PSG5: variants seen among roughly 807,000 people sequenced by gnomAD.
PSG5 encodes the protein pregnancy-specific beta-1-glycoprotein 5.
PSG5 carries 53 observed loss-of-function variants against 37.7 expected under a neutral mutation model. The observed-to-expected ratio is 1.41, with a 90% confidence interval of 1.13 to 1.77. The LOEUF (loss-of-function observed/expected upper bound fraction) is 1.77, where lower values mean the gene tolerates loss of function less well. Ranked by LOEUF, PSG5 falls within the 40% of genes most tolerant of loss-of-function variation. The pLI is 0.00. For missense variants in PSG5, 547 were observed against 405.2 expected (o/e 1.35, Z -3.00); for synonymous variants, 221 against 155.4 (o/e 1.42, Z -3.14).
intron 5 of PSG5, among the ~76,000 whole-genome samples, chr19:43,169,305 G>A (rs1050359182): frequency 2.6e-5 from 4 of 151,614 alleles, no homozygotes; most frequent in Non-Finnish European, 5.9e-5. Context: ...CCACACATAG[G>A]TTGTGTTCTG....
At chr19:43,173,445 A>T (rs1195244562) in intron 4 of PSG5, among the ~76,000 whole-genome samples, 1 of 151,750 alleles carries the variant, frequency 6.6e-6, no homozygotes, top group Admixed American at 6.6e-5. Flanking sequence ...AATATTTGCA[A>T]ATTATATGTG....
chr19:43,171,016 T>A (rs1968894631), intron 4 of PSG5: 1 of 151,440 alleles, frequency 6.6e-6, no homozygotes, highest in Admixed American at 6.6e-5. Context: ...GTAGGTACTG[T>A]TGAGGGGCAT....
intron 2 of PSG5, chr19:43,179,073 G>C (rs191336879): frequency 2.5e-6 from 4 of 1,611,950 alleles, no homozygotes; most frequent in African/African-American, 2.7e-5. Flanking sequence ...GTCTGAAGCC[G>C]CAGGATCACA....
chr19:43,186,504 G>A lies in PSG5; in HGVS notation c.-99C>T, dbSNP rs919678485. Reference sequence around the variant, plus strand: ...GCTGTGCTGTCCTTCCTCCTTCTGTGCTGAGCCTCTCTCCAGGGCAGGAGC... The same window carrying A: ...GCTGTGCTGTCCTTCCTCCTTCTGTACTGAGCCTCTCTCCAGGGCAGGAGC... On this transcript the variant is annotated 5_prime_UTR_variant, in exon 1 of 6. Transcript: ENST00000342951. The A allele has an allele frequency of 1.5e-5, 24 of 1,560,332 alleles. No individual in the cohort carries two copies. Among genetic ancestry groups the A allele is most frequent in the South Asian group, 4.7e-5 (4 of 84,642 alleles).
At chr19:43,176,731 G>C (rs1304372758) in intron 2 of PSG5, among the ~76,000 whole-genome samples, 3 of 150,550 alleles carry the variant, frequency 2.0e-5, no homozygotes, top group Non-Finnish European at 4.4e-5. Flanking sequence ...AGTGGAGGCA[G>C]AAAGTGGGGC....
At chr19:43,181,400 T>C (rs1171646017) in intron 2 of PSG5, among the ~76,000 whole-genome samples, 1 of 151,740 alleles carries the variant, frequency 6.6e-6, no homozygotes, top group Non-Finnish European at 1.5e-5. Flanking sequence ...AAGCCAGAGA[T>C]TCTTTCCCCA....
At chr19:43,184,622 T>G (rs554073323) in intron 2 of PSG5, among the ~76,000 whole-genome samples, 160 bp downstream of exon 2, 14 of 151,488 alleles carry the variant, frequency 9.2e-5, no homozygotes, top group East Asian at 3.9e-4. Flanking sequence ...CTGTTGAAAT[T>G]TGTCTCCTCT....
intron 2 of PSG5, among the ~76,000 whole-genome samples, chr19:43,177,623 T>C (rs1243905000): frequency 6.6e-6 from 1 of 151,502 alleles, no homozygotes; most frequent in East Asian, 1.9e-4. Flanking sequence ...GAAAGGCTGA[T>C]TGCTGTCTTC....
chr19:43,174,690 C>A (rs1968968192), intron 4 of PSG5: 1 of 989,538 alleles, frequency 1.0e-6, no homozygotes, highest in Non-Finnish European at 1.2e-6. Flanking sequence ...CTGGTCCCAC[C>A]CCAGGTTGAG....
At chr19:43,185,896 T>C (rs930011898) in intron 1 of PSG5, among the ~76,000 whole-genome samples, 3 of 148,162 alleles carry the variant, frequency 2.0e-5, no homozygotes, top group Non-Finnish European at 3.0e-5. Context: ...TTTCCAGTTT[T>C]GACCTCTGTC....
At chr19:43,169,295 C>A (rs1041411857) in intron 5 of PSG5, among the ~76,000 whole-genome samples, 1 of 151,644 alleles carries the variant, frequency 6.6e-6, no homozygotes, top group Non-Finnish European at 1.5e-5. Context: ...AAGATCTCAA[C>A]CACACATAGG....
intron 2 of PSG5, chr19:43,180,255 AG>A (rs1969099868): frequency 1.3e-5 from 2 of 151,418 alleles, no homozygotes; most frequent in African/African-American, 4.9e-5. Context: ...ATGCAGGATG[AG>A]GAGGTTCTAG....
Position 43,171,667 on chromosome 19 carries a change from C to A in PSG5, c.965-1529G>T, listed in dbSNP as rs542683549. Among the ~76,000 whole-genome samples the A allele has an allele frequency of 4.5e-4, 68 of 151,376 alleles. 1 individual carries two copies. The highest frequency in any genetic ancestry group is 1.2e-3 in the East Asian group (6 of 5,170). Reference sequence around the variant, plus strand: ...AAAAAGAGAAAAGTTTAAAATTACTCAAATCAGAAATGAAAATGGACTCTG... The same window carrying A: ...AAAAAGAGAAAAGTTTAAAATTACTAAAATCAGAAATGAAAATGGACTCTG... On this transcript the variant is annotated intron_variant, in intron 4 of 5. Coordinates refer to ENST00000342951, the MANE Select transcript of PSG5 (RefSeq NM_002781.4).
chr19:43,186,521 G>A lies in PSG5; in HGVS notation c.-116C>T. 3 of 1,502,698 alleles carry A rather than the reference G, an allele frequency of 2.0e-6. No homozygotes were observed. Among genetic ancestry groups the A allele is most frequent in the Non-Finnish European group, 2.7e-6 (3 of 1,115,834 alleles). The allele number at this position is 1,502,698 out of a possible 1,614,324, so 93.1% of individuals were successfully genotyped here. A position where few individuals can be genotyped will look rare whatever the true frequency, so the allele number is the denominator to read the frequency against. ...CCTTCTGTGCTGAGCCTCTCTCCAG[G>A]GCAGGAGCACTTCTCAGGCTCATGG... On this transcript the variant is annotated 5_prime_UTR_variant, in exon 1 of 6. Coordinates refer to ENST00000342951, the MANE Select transcript of PSG5 (RefSeq NM_002781.4).
intron 4 of PSG5, among the ~76,000 whole-genome samples, chr19:43,173,010 G>T (rs1416102251): frequency 2.0e-5 from 3 of 151,696 alleles, no homozygotes; most frequent in Non-Finnish European, 1.5e-5. Context: ...ATACAGTGTG[G>T]TACTGGCATA....
chr19:43,183,285 G>C, intron 2 of PSG5: 3 of 366,020 alleles, frequency 8.2e-6, no homozygotes, highest in Non-Finnish European at 1.7e-5. Flanking sequence ...GTAGTGGGGG[G>C]ATGAAACATG....
In PSG5 at chr19:43,183,133, C is replaced by T. The variant is rs191128743; in HGVS notation, c.430+1649G>A. On this transcript the variant is annotated intron_variant, in intron 2 of 5. Coordinates refer to ENST00000342951, the MANE Select transcript of PSG5 (RefSeq NM_002781.4). The stretch of plus-strand genomic sequence containing the variant: ...GAGGCAGAGACACCATGGCAGTGAG[C>T]AGTGAGGGAGACACTGACTTCAGAG... 7.3e-4 allele frequency: 175 copies of T among 239,710 alleles called. 2 individuals carry two copies. Among genetic ancestry groups the T allele is most frequent in the South Asian group, 1.0e-3 (22 of 21,016 alleles). The allele number at this position is 239,710 out of a possible 1,614,324, so 14.8% of individuals were successfully genotyped here. A position where few individuals can be genotyped will look rare whatever the true frequency, so the allele number is the denominator to read the frequency against.
At chr19:43,175,582 G>C (rs1198223313) in intron 3 of PSG5, 113 bp from the exon 4 acceptor site, 2 of 1,476,144 alleles carry the variant, frequency 1.4e-6, no homozygotes, top group African/African-American at 2.9e-5. Flanking sequence ...TCAAGTCCCA[G>C]CCGAACCCCC....
chr19:43,184,631 C>G lies in PSG5; in HGVS notation c.430+151G>C, dbSNP rs1441970987. On this transcript the variant is annotated intron_variant, in intron 2 of 5. Coordinates refer to ENST00000342951, the MANE Select transcript of PSG5 (RefSeq NM_002781.4). ...TCTGATCTGTTGAAATTTGTCTCCT[C>G]TGTGTGTGTCCTGCACTAAATGCCC... The G allele has an allele frequency of 3.2e-5, 47 of 1,457,094 alleles. 1 individual carries two copies. The highest frequency in any genetic ancestry group is 4.3e-5 in the Non-Finnish European group (45 of 1,042,408). The allele number at this position is 1,457,094 out of a possible 1,614,324, so 90.3% of individuals were successfully genotyped here.
Sources: gnomAD v4.1 joint callset for allele counts (sites outside exome capture counted in the v4.1 genomes callset) on GRCh38, gnomAD v4.1.1 for gene constraint, MANE v1.5 for transcripts, NCBI Gene and HGNC (gene_info 2026-07-23, HGNC 2026-07-21) for gene names.